CHD8: variants seen among roughly 807,000 people sequenced by gnomAD.
The protein encoded by CHD8 is ATP-dependent chromatin remodeler CHD8.
In CHD8, 31 loss-of-function variants were observed where a neutral mutation model predicts 279.2. That is an observed-to-expected ratio of 0.11 (90% confidence interval 0.08 to 0.15). The LOEUF (loss-of-function observed/expected upper bound fraction) is 0.15. Among genes scored for constraint, CHD8 ranks in the 10% least tolerant of loss-of-function variants. The pLI is 1.00. For synonymous variants in CHD8, 1,081 were observed against 1,139.6 expected (o/e 0.95, Z 1.04); for missense variants, 2,146 against 3,230.5 (o/e 0.66, Z 8.14).
chr14:21,400,720 T>G lies in CHD8; in HGVS notation c.4371-108A>C. ...GAAACAAAGATCTTAAAAAACATGG[T>G]AACAGAATAAACAGAACAAACTCCC... On this transcript the variant is annotated intron_variant, in intron 22 of 37. Transcript: ENST00000646647. The surrounding 1 kb of genome is among the most constrained non-coding windows in gnomAD (Gnocchi z 4.2). The G allele has an allele frequency of 7.8e-7, 1 of 1,287,990 alleles. No individual in the cohort carries two copies. Among genetic ancestry groups the G allele is most frequent in the South Asian group, 1.5e-5 (1 of 65,152 alleles). 79.8% of individuals were successfully genotyped at this position (1,287,990 alleles called of 1,614,324 possible).
chr14:21,394,978 C>T lies in CHD8; in HGVS notation c.5324G>A (p.Arg1775Gln), dbSNP rs757486587. 1.3e-5 allele frequency: 21 copies of T among 1,613,912 alleles called. No homozygotes were observed. The highest frequency in any genetic ancestry group is 3.3e-5 in the South Asian group (3 of 91,086). The change falls in exon 30 of 38, where the codon CGG becomes CAG. Residue 1775 changes from arginine (R) to glutamine (Q), a missense_variant. Physicochemically the swap from Arg to Gln is conservative, Grantham distance 43 (BLOSUM62 1). Around this residue, in one of 26 missense-constraint regions of CHD8, gnomAD observed 513 missense variants for 637.6 expected, o/e 0.80. Transcript: ENST00000646647. Reference protein sequence around the residue: ...MKIEAAERGDRRRRRCEAAFK... With the variant: ...MKIEAAERGDQRRRRCEAAFK... ...GGCTGCTTCACAACGCCGCCTTCGCCGGTCCCCACGTTCTGCAGCCTCTAT... is the reference window on the plus strand; with the variant it reads ...GGCTGCTTCACAACGCCGCCTTCGCTGGTCCCCACGTTCTGCAGCCTCTAT...
intron 2 of CHD8, chr14:21,429,673 A>G (rs1384873622): frequency 2.5e-6 from 1 of 392,548 alleles, no homozygotes; most frequent in Non-Finnish European, 4.9e-6. Flanking sequence ...GGAGGTCACC[A>G]TATTGATGTC....
At chr14:21,413,140 T>G in intron 9 of CHD8, 144 bp from the exon 10 acceptor site, 1 of 642,248 alleles carries the variant, frequency 1.6e-6, no homozygotes, top group Non-Finnish European at 2.8e-6. Flanking sequence ...TCCTTTTTCA[T>G]AACAGCAAAT....
At position 21,414,490 on chromosome 14, in the gene CHD8, G is replaced by T. The variant is rs17792659; in HGVS notation, c.2025-72C>A. 0.11 allele frequency: 88,439 copies of T among 798,088 alleles called. 5,964 individuals are homozygous for T. Among genetic ancestry groups the T allele is most frequent in the Non-Finnish European group, 0.14 (66,061 of 476,474 alleles). The allele number at this position is 798,088 out of a possible 1,614,324, so 49.4% of individuals were successfully genotyped here. ...GGCAGGCTACTGTCTGAAATTTTGG[G>T]ATTAGTCAGAAGCAGACATAACAAA... On this transcript the variant is annotated intron_variant, in intron 8 of 37. Transcript: ENST00000646647.
At chr14:21,413,603 C>T (rs1403004755) in intron 9 of CHD8, 1 of 152,962 alleles carries the variant, frequency 6.5e-6, no homozygotes, top group Non-Finnish European at 1.5e-5. Flanking sequence ...CCGTGTTGGC[C>T]ATGCTAGTCT....
chr14:21,395,789 A>G (rs767092291), intron 28 of CHD8, 28 bp downstream of exon 28: 13 of 1,377,638 alleles, frequency 9.4e-6, no homozygotes, highest in Admixed American at 1.9e-5. Flanking sequence ...TAATAGAGAA[A>G]AGTGAGACTC....
Position 21,429,342 on chromosome 14 carries a change from T to A in CHD8, c.844-7A>T. 1 of 1,602,494 alleles carries A rather than the reference T, an allele frequency of 6.2e-7. No homozygotes were observed. Among genetic ancestry groups the A allele is most frequent in the Non-Finnish European group, 8.5e-7 (1 of 1,171,554 alleles). ...TGATGCGTTTCGATTCACCCTAAAG[T>A]GAAGAAAGGAAATTGCAAGAGTACA... On this transcript the variant is annotated splice_region_variant and splice_polypyrimidine_tract_variant and intron_variant, in intron 2 of 37. Coordinates refer to ENST00000646647, the MANE Select transcript of CHD8 (RefSeq NM_001170629.2).
At chr14:21,417,630 G>C (rs1459768424) in intron 5 of CHD8, among the ~76,000 whole-genome samples, 2 of 151,576 alleles carry the variant, frequency 1.3e-5, no homozygotes, top group African/African-American at 4.8e-5. Context: ...CGAGGCAGGC[G>C]CATCATGAGG....
At position 21,385,835 on chromosome 14, in the gene CHD8, A is replaced by ATGGTGATGG. The variant is rs1225380850; in HGVS notation, c.7515_7523dup (p.His2506_His2508dup). ...GGTAGCCAGGGGCTCTCAAGCCTGG[A>ATGGTGATGG]TGGTGATGGTGGTGATGGTGGGGGT... On this transcript the variant is annotated inframe_insertion, in exon 38 of 38. Transcript: ENST00000646647. 102 of 719,968 alleles carry ATGGTGATGG rather than the reference A, an allele frequency of 1.4e-4. 1 individual carries two copies. The East Asian group carries it at 6.0e-3, about 42-fold the overall frequency. The allele number at this position is 719,968 out of a possible 1,614,324, so 44.6% of individuals were successfully genotyped here.
chr14:21,437,473 G>C (rs1889837943), intron 1 of CHD8, among the ~76,000 whole-genome samples: 1 of 152,188 alleles, frequency 6.6e-6, no homozygotes, highest in South Asian at 2.1e-4. Flanking sequence ...CTTGAAAAAA[G>C]GGGGCTGGCC....
At position 21,402,580 on chromosome 14, in the gene CHD8, TTA is replaced by T. The variant is rs201123862; in HGVS notation, c.3715-79_3715-78del. The T allele has an allele frequency of 1.5e-3, 2,035 of 1,359,496 alleles. 26 individuals are homozygous for T. The African/African-American group carries it at 0.027, about 18-fold the overall frequency. The allele number at this position is 1,359,496 out of a possible 1,614,324, so 84.2% of individuals were successfully genotyped here. ...AAGGGAAAGGATACAAAATACCAAT[TTA>T]TGATTCTTTCACCTCTATAGAGCAG... On this transcript the variant is annotated intron_variant, in intron 18 of 37. Coordinates refer to ENST00000646647, the MANE Select transcript of CHD8 (RefSeq NM_001170629.2). This position sits in a 1 kb window ranked among gnomAD's most constrained non-coding sequence, Gnocchi z 4.5.
Position 21,408,916 on chromosome 14 carries a change from AAAC to A in CHD8, c.2365-94_2365-92del. On this transcript the variant is annotated intron_variant, in intron 11 of 37. Transcript: ENST00000646647. The surrounding 1 kb of genome is among the most constrained non-coding windows in gnomAD (Gnocchi z 4.3). Reference sequence around the variant, plus strand: ...AGTTCTAATAGTTAAAATCAATTCAAAACAACATTGTTTGGATTAAAACATGTC... The same window carrying A: ...AGTTCTAATAGTTAAAATCAATTCAAAACATTGTTTGGATTAAAACATGTC... 1 of 1,288,918 alleles carries A rather than the reference AAAC, an allele frequency of 7.8e-7. No homozygotes were observed. The highest frequency in any genetic ancestry group is 1.1e-6 in the Non-Finnish European group (1 of 936,926). The allele number at this position is 1,288,918 out of a possible 1,614,324, so 79.8% of individuals were successfully genotyped here. A position where few individuals can be genotyped will look rare whatever the true frequency, so the allele number is the denominator to read the frequency against.
intron 1 of CHD8, among the ~76,000 whole-genome samples, chr14:21,441,932 C>T (rs1889986293): frequency 6.6e-6 from 1 of 151,976 alleles, no homozygotes; most frequent in Admixed American, 6.6e-5. Flanking sequence ...AGAAAATGAG[C>T]TGCCTATAGT....
chr14:21,441,712 C>A (rs1283127132), intron 1 of CHD8, among the ~76,000 whole-genome samples: 1 of 151,898 alleles, frequency 6.6e-6, no homozygotes, highest in Non-Finnish European at 1.5e-5. Flanking sequence ...CACGGTGAAA[C>A]CCCGTCTCTA....
intron 14 of CHD8, among the ~76,000 whole-genome samples, chr14:21,406,299 C>A (rs1888252090): frequency 6.6e-6 from 1 of 152,140 alleles, no homozygotes; most frequent in Non-Finnish European, 1.5e-5. Context: ...CTTGCAAGAA[C>A]AAGAATGTAG....
rs754532415 is a variant in CHD8, at chr14:21,430,978, T to C, written c.666A>G (p.Thr222=). The C allele has an allele frequency of 1.3e-6, 2 of 1,599,590 alleles. No individual in the cohort carries two copies. Among genetic ancestry groups the C allele is most frequent in the South Asian group, 2.2e-5 (2 of 91,082 alleles). ...RPGVSIVSGN[T]VLAAKVPGNQ... ...TCCCAGGGACCTTGGCGGCCAACAC[T>C]GTATTACCAGAGACAATGGAAACAC... Residue 222 remains threonine (T), a synonymous_variant, in exon 2 of 38, where the codon ACA becomes ACG. Coordinates refer to ENST00000646647, the MANE Select transcript of CHD8 (RefSeq NM_001170629.2).
At chr14:21,451,777 G>A (rs1326293827) in intron 1 of CHD8, among the ~76,000 whole-genome samples, 7 of 151,880 alleles carry the variant, frequency 4.6e-5, no homozygotes, top group African/African-American at 1.7e-4. Flanking sequence ...AACAAACTAA[G>A]GGCCTAGTGA....
At chr14:21,390,018 T>C (rs562514963) in intron 37 of CHD8, among the ~76,000 whole-genome samples, 9 of 152,086 alleles carry the variant, frequency 5.9e-5, no homozygotes, top group African/African-American at 1.9e-4. Context: ...GTGGATTACT[T>C]GAGGCCAGGA....
chr14:21,441,487 A>G (rs913039381), intron 1 of CHD8, among the ~76,000 whole-genome samples: 2 of 152,218 alleles, frequency 1.3e-5, no homozygotes, highest in Non-Finnish European at 2.9e-5. Context: ...ATCAAGTTTA[A>G]AAAATAATAA....
Sources: gnomAD v4.1 joint callset for allele counts (sites outside exome capture counted in the v4.1 genomes callset) on GRCh38, gnomAD v4.1.1 for gene constraint, gnomAD v4.1.1 regional missense constraint, Gnocchi (gnomAD v3.1) non-coding constraint, MANE v1.5 for transcripts, NCBI Gene and HGNC (gene_info 2026-07-23, HGNC 2026-07-21) for gene names.